Variants in PARN observed in about 807,000 individuals in gnomAD.
The protein encoded by PARN is poly(A)-specific ribonuclease PARN.
Under a neutral mutation model 102.8 loss-of-function variants are expected in PARN, and 71 were observed. The observed-to-expected ratio is 0.69, with a 90% CI of 0.57 to 0.84. PARN has a LOEUF of 0.84. Among genes scored for constraint, PARN ranks in the 40% least tolerant of loss-of-function variants. The pLI is 0.00. For missense variants in PARN, 782 were observed against 760.9 expected (o/e 1.03, Z -0.33); for synonymous variants, 261 against 252.9 (o/e 1.03, Z -0.30).
chr16:14,570,587 T>C (rs1371851076), intron 18 of PARN, among the ~76,000 whole-genome samples: 5 of 148,252 alleles, frequency 3.4e-5, no homozygotes, highest in Non-Finnish European at 7.4e-5. Context: ...GAGGCGGAGG[T>C]TGCAGTGAAC....
intron 21 of PARN, among the ~76,000 whole-genome samples, chr16:14,521,064 C>A (rs776125391): frequency 6.6e-6 from 1 of 152,196 alleles, no homozygotes; most frequent in Non-Finnish European, 1.5e-5. Context: ...CTAGTTTCTC[C>A]AAATAGCTTC....
At chr16:14,518,973 AG>A (rs1380566906) in intron 21 of PARN, among the ~76,000 whole-genome samples, 1 of 152,090 alleles carries the variant, frequency 6.6e-6, no homozygotes, top group Admixed American at 6.6e-5. Context: ...GAACTGCAAA[AG>A]ACAAATCTTA....
At chr16:14,436,859 G>C in intron 23 of PARN, 87 bp from the exon 24 acceptor site, 3 of 946,170 alleles carry the variant, frequency 3.2e-6, no homozygotes, top group Non-Finnish European at 5.0e-6. Flanking sequence ...ACAGACAGAG[G>C]GCCTGTGACG....
rs200799394 is a variant in PARN, at chr16:14,443,340, CT to C, written c.1864+3547del. ...AAAAAGAACAGATATAAAGAGATTA[CT>C]TTTTTTTTTTTTTTTTGAGACAGAG... On this transcript the variant is annotated intron_variant, in intron 23 of 23. Coordinates refer to ENST00000437198, the MANE Select transcript of PARN (RefSeq NM_002582.4). Among the ~76,000 whole-genome samples the C allele has an allele frequency of 4.6e-3, 644 of 138,992 alleles. 3 individuals are homozygous for C. The highest frequency in any genetic ancestry group is 0.027 in the Middle Eastern group (7 of 264). The allele number at this position is 138,992 out of a possible 152,430, so 91.2% of individuals were successfully genotyped here.
intron 23 of PARN, 121 bp from the exon 24 acceptor site, chr16:14,436,893 G>C (rs1178437854): frequency 5.6e-6 from 4 of 711,154 alleles, no homozygotes; most frequent in South Asian, 1.7e-5. Flanking sequence ...CCAGCGTCTG[G>C]CTAAACAGCT....
chr16:14,519,223 C>A (rs1468393469), intron 21 of PARN, among the ~76,000 whole-genome samples: 3 of 147,920 alleles, frequency 2.0e-5, no homozygotes, highest in African/African-American at 2.5e-5. Context: ...TCAGTTTGAA[C>A]TCATGATGTA....
At chr16:14,442,007 T>C (rs1960962755) in intron 23 of PARN, among the ~76,000 whole-genome samples, 1 of 152,154 alleles carries the variant, frequency 6.6e-6, no homozygotes, top group Non-Finnish European at 1.5e-5. Flanking sequence ...TTTTAAATGT[T>C]AGGGGAAAAA....
intron 21 of PARN, among the ~76,000 whole-genome samples, chr16:14,487,180 C>T (rs1342809287): frequency 6.6e-6 from 1 of 152,216 alleles, no homozygotes; most frequent in Non-Finnish European, 1.5e-5. Context: ...TTCTAGTCAC[C>T]ACACAAATAA....
chr16:14,501,434 C>T (rs1243125003), intron 21 of PARN: 1 of 1,316 alleles, frequency 7.6e-4, no homozygotes, highest in South Asian at 0.056. Flanking sequence ...GCAAGACTGT[C>T]CAAAAAAAAA....
At chr16:14,590,810 G>A (rs1410881308) in intron 13 of PARN, among the ~76,000 whole-genome samples, 6 of 152,100 alleles carry the variant, frequency 3.9e-5, no homozygotes, top group African/African-American at 7.2e-5. Flanking sequence ...CACTCATGAC[G>A]TCTGTATTGT....
intron 11 of PARN, 21 bp from the exon 12 acceptor site, chr16:14,599,981 ATATG>A (rs747214186): frequency 7.3e-7 from 1 of 1,362,750 alleles, no homozygotes; most frequent in South Asian, 1.3e-5. Context: ...AAATATATAC[ATATG>A]TATTATTGAT....
intron 21 of PARN, among the ~76,000 whole-genome samples, chr16:14,541,253 T>G (rs143914033): frequency 6.7e-5 from 10 of 148,704 alleles, no homozygotes; most frequent in South Asian, 2.1e-4. Context: ...ACAGGGGCAA[T>G]AGAGAGTGAG....
intron 21 of PARN, among the ~76,000 whole-genome samples, chr16:14,547,530 C>T (rs1407773408): frequency 6.6e-6 from 1 of 151,794 alleles, no homozygotes; most frequent in Non-Finnish European, 1.5e-5. Flanking sequence ...CATGGCAAGG[C>T]CCCATCTCTA....
intron 21 of PARN, among the ~76,000 whole-genome samples, chr16:14,524,799 CTA>C (rs1188737815): frequency 6.6e-6 from 1 of 152,194 alleles, no homozygotes; most frequent in East Asian, 1.9e-4. Context: ...TTCATGGTTT[CTA>C]TGTGTCTTTC....
intron 21 of PARN, among the ~76,000 whole-genome samples, chr16:14,507,715 A>G (rs1411971014): frequency 6.6e-6 from 1 of 152,188 alleles, no homozygotes; most frequent in East Asian, 1.9e-4. Context: ...AGAGACTTTT[A>G]ATTTCCCATT....
intron 22 of PARN, among the ~76,000 whole-genome samples, chr16:14,470,482 G>A (rs2151583457): frequency 6.8e-6 from 1 of 146,876 alleles, no homozygotes; most frequent in East Asian, 2.0e-4. Flanking sequence ...TTTGAGACAG[G>A]GTCTCACTCA....
chr16:14,473,955 T>G (rs1408591567), intron 22 of PARN, among the ~76,000 whole-genome samples: 17 of 152,104 alleles, frequency 1.1e-4, no homozygotes, highest in Admixed American at 1.1e-3. Flanking sequence ...ATATAGCTGG[T>G]AGGTGGAAAT....
chr16:14,524,925 T>C (rs376048213), intron 21 of PARN, among the ~76,000 whole-genome samples: 1 of 152,220 alleles, frequency 6.6e-6, no homozygotes, highest in Non-Finnish European at 1.5e-5. Context: ...TTAAATATTA[T>C]AGTCCAACCC....
At position 14,628,678 on chromosome 16, in the gene PARN, A is replaced by G. The variant is rs1248664089; in HGVS notation, c.98-427T>C. Among the ~76,000 whole-genome samples, 5 of 152,330 alleles carry G rather than the reference A, an allele frequency of 3.3e-5. No homozygotes were observed. In the East Asian group the frequency reaches 9.6e-4, roughly 29 times the overall value. On this transcript the variant is annotated intron_variant, in intron 2 of 23. Transcript: ENST00000437198. ...CAAAGAATGTATCTTCAAGATTAAG[A>G]GAAAATTATTTCTCTAAGTGAAAAC...
Sources: gnomAD v4.1 joint callset for allele counts (sites outside exome capture counted in the v4.1 genomes callset) on GRCh38, gnomAD v4.1.1 for gene constraint, MANE v1.5 for transcripts, NCBI Gene and HGNC (gene_info 2026-07-23, HGNC 2026-07-21) for gene names.